The following GNAI3 variants were observed in gnomAD, a reference collection of about 807,000 sequenced individuals.
GNAI3 encodes the protein G protein subunit alpha i3.
A neutral mutation model predicts 41.8 loss-of-function variants in GNAI3; 12 were observed. That is an observed-to-expected ratio of 0.29 (90% CI 0.18 to 0.47). The LOEUF (loss-of-function observed/expected upper bound fraction) is 0.47, where lower values mean the gene tolerates loss of function less well. Among genes scored for constraint, GNAI3 ranks in the 20% least tolerant of loss-of-function variants. The probability of loss-of-function intolerance (pLI) is 1.00; values close to 1 mark genes in which losing one functional copy is unlikely to be tolerated. For missense variants in GNAI3, 360 were observed against 429.6 expected, an observed-to-expected ratio of 0.84 and a Z score of 1.43; for synonymous variants, 132 against 146.5, an observed-to-expected ratio of 0.90 and a Z score of 0.71.
intron 7 of GNAI3, among the ~76,000 whole-genome samples, chr1:109,588,890 A>C (rs1649101683): frequency 1.3e-5 from 2 of 151,788 alleles, no homozygotes; most frequent in South Asian, 4.1e-4. Flanking sequence ...AGACTCCATC[A>C]ATCAATCAAT....
At chr1:109,586,457 T>C in intron 6 of GNAI3, 112 bp downstream of exon 6, 1 of 1,081,682 alleles carries the variant, frequency 9.2e-7, no homozygotes, top group Non-Finnish European at 1.3e-6. Flanking sequence ...ACTTAGTATC[T>C]TTAATTTTTT....
chr1:109,548,619 G>A lies in GNAI3; in HGVS notation c.-102G>A, dbSNP rs2101084556. ...CTTCTGGGCGCTAAGGGAGCTGACG[G>A]AGAGGGCCACCGCCCAGCAATAGAC... is the stretch of plus-strand genomic sequence containing the variant. On this transcript the variant is annotated 5_prime_UTR_variant, in exon 1 of 9. Transcript: ENST00000369851. The A allele has an allele frequency of 2.7e-6, 2 of 743,206 alleles. No homozygotes were observed. Among genetic ancestry groups the A allele is most frequent in the African/African-American group, 3.5e-5 (2 of 57,434 alleles). 46.0% of individuals were successfully genotyped at this position (743,206 alleles called of 1,614,324 possible). A position where few individuals can be genotyped will look rare whatever the true frequency, so the allele number is the denominator to read the frequency against.
rs1009272208 is a variant in GNAI3 at position 109,576,522 on chromosome 1, T to C, written c.303+2485T>C. Among the ~76,000 whole-genome samples, 12 of 151,490 alleles carry C rather than the reference T, an allele frequency of 7.9e-5. 1 individual carries two copies. Among genetic ancestry groups the C allele is most frequent in the Admixed American group, 3.3e-4 (5 of 15,236 alleles). On this transcript the variant is annotated intron_variant, in intron 3 of 8. Transcript: ENST00000369851. ...CTTCTGTTTTTTTTTTTGTTGTTGT[T>C]TTTTGTTTTTTTTGAGACAGAGTTT...
At chr1:109,560,364 G>A (rs1022031852) in intron 1 of GNAI3, among the ~76,000 whole-genome samples, 10 of 152,076 alleles carry the variant, frequency 6.6e-5, no homozygotes, top group African/African-American at 2.2e-4. Flanking sequence ...TCATAATAAT[G>A]ATAATTATTA....
intron 3 of GNAI3, among the ~76,000 whole-genome samples, chr1:109,574,818 T>G (rs187991393): frequency 3.3e-5 from 5 of 152,230 alleles, no homozygotes; most frequent in Non-Finnish European, 5.9e-5. Context: ...GTCATACTTA[T>G]GTGCCATGGC....
At chr1:109,566,756 T>G (rs927873092) in intron 1 of GNAI3, among the ~76,000 whole-genome samples, 1 of 152,160 alleles carries the variant, frequency 6.6e-6, no homozygotes, top group East Asian at 1.9e-4. Context: ...AGAGATGAGG[T>G]TTCACTATGT....
intron 1 of GNAI3, among the ~76,000 whole-genome samples, chr1:109,568,212 C>G (rs1215645594): frequency 6.6e-6 from 1 of 151,992 alleles, no homozygotes; most frequent in Non-Finnish European, 1.5e-5. Context: ...TGCTCTGGTA[C>G]CTGCTCAGAG....
Position 109,549,975 on chromosome 1 carries a change from G to A in GNAI3, c.118+1137G>A, listed in dbSNP as rs115569022. Among the ~76,000 whole-genome samples the A allele has an allele frequency of 9.4e-3, 1,432 of 152,236 alleles. 23 individuals are homozygous for A. Among genetic ancestry groups the A allele is most frequent in the African/African-American group, 0.033 (1,364 of 41,538 alleles). ...TTATTAGTGAAGATTTTCTAGGGTA[G>A]TATTTCCATTATTTTCCAATATTTT... On this transcript the variant is annotated intron_variant, in intron 1 of 8. Coordinates refer to ENST00000369851, the MANE Select transcript of GNAI3 (RefSeq NM_006496.4).
chr1:109,572,949 G>A (rs530980943), intron 1 of GNAI3, among the ~76,000 whole-genome samples: 1 of 152,168 alleles, frequency 6.6e-6, no homozygotes, highest in Non-Finnish European at 1.5e-5. Flanking sequence ...AGATAGACTG[G>A]TAGATGTCGT....
In GNAI3 at chr1:109,597,570, C is replaced by T. The variant is rs1004646962; in HGVS notation, c.*5248C>T. On this transcript the variant is annotated 3_prime_UTR_variant, in exon 9 of 9. Transcript: ENST00000369851. ...TCTATTTTTTGCCAATAAGAAGTAC[C>T]ATTTGTACATGACTTAAAGTGCCTT... The T allele has an allele frequency of 1.3e-5, 2 of 151,544 alleles. No individual in the cohort carries two copies. Among genetic ancestry groups the T allele is most frequent in the African/African-American group, 4.9e-5 (2 of 41,208 alleles). 9.4% of individuals were successfully genotyped at this position (151,544 alleles called of 1,614,324 possible). A position where few individuals can be genotyped will look rare whatever the true frequency, so the allele number is the denominator to read the frequency against.
At chr1:109,566,953 C>T (rs909461408) in intron 1 of GNAI3, among the ~76,000 whole-genome samples, 4 of 152,126 alleles carry the variant, frequency 2.6e-5, no homozygotes, top group African/African-American at 4.8e-5. Flanking sequence ...AGTAGGTACT[C>T]CTATTGGAAA....
intron 5 of GNAI3, among the ~76,000 whole-genome samples, chr1:109,584,043 A>T (rs1648963158): frequency 6.6e-6 from 1 of 152,056 alleles, no homozygotes; most frequent in Non-Finnish European, 1.5e-5. Flanking sequence ...TGTGTTCTTT[A>T]GTTATGGCAT....
At position 109,592,215 on chromosome 1, in the gene GNAI3, G is replaced by A. The variant is rs1474506640; in HGVS notation, c.1047G>A (p.Lys349=). The A allele has an allele frequency of 6.2e-7, 1 of 1,610,372 alleles. No individual in the cohort carries two copies. Among genetic ancestry groups the A allele is most frequent in the Admixed American group, 1.7e-5 (1 of 59,964 alleles). The change falls in exon 8 of 9, where the codon AAG becomes AAA. Residue 349 remains lysine, a synonymous_variant. Coordinates refer to ENST00000369851, the MANE Select transcript of GNAI3 (RefSeq NM_006496.4). ...ATGTCATCATTAAAAACAACTTAAA[G>A]GAATGTGGACTTTATTGAGAAGCAT... ...VTDVIIKNNL[K]ECGLY
At chr1:109,556,345 C>T (rs891175636) in intron 1 of GNAI3, among the ~76,000 whole-genome samples, 1 of 152,106 alleles carries the variant, frequency 6.6e-6, no homozygotes, top group African/African-American at 2.4e-5. Context: ...CTCTAACTTC[C>T]ATTCTTAAAA....
chr1:109,584,611 C>A (rs977908817), intron 5 of GNAI3, among the ~76,000 whole-genome samples: 2 of 152,324 alleles, frequency 1.3e-5, no homozygotes, highest in East Asian at 3.9e-4. Context: ...TCCTTTTCCT[C>A]TTCTCTCTAG....
chr1:109,580,433 C>T (rs1357471791), intron 4 of GNAI3, among the ~76,000 whole-genome samples: 1 of 152,096 alleles, frequency 6.6e-6, no homozygotes, highest in Non-Finnish European at 1.5e-5. Flanking sequence ...CTACTTTTCA[C>T]GTCATGATTC....
At chr1:109,550,011 A>G (rs1282864447) in intron 1 of GNAI3, among the ~76,000 whole-genome samples, 1 of 152,152 alleles carries the variant, frequency 6.6e-6, no homozygotes, top group African/African-American at 2.4e-5. Flanking sequence ...CTAGGGTAGT[A>G]TTTCCATTAG....
At position 109,595,466 on chromosome 1, in the gene GNAI3, G is replaced by A. The variant is rs932730913; in HGVS notation, c.*3144G>A. 6.6e-6 allele frequency: 1 copy of A among 151,588 alleles called. No individual in the cohort carries two copies. The highest frequency in any genetic ancestry group is 2.1e-4 in the South Asian group (1 of 4,796). The allele number at this position is 151,588 out of a possible 1,614,324, so 9.4% of individuals were successfully genotyped here. On this transcript the variant is annotated 3_prime_UTR_variant, in exon 9 of 9. Transcript: ENST00000369851. ...ACATTCTTACAATGTAAGACTAGAT[G>A]GACCAAAATTTTAAAAAAAACTTCT...
In GNAI3 at chr1:109,595,457, A is replaced by G. The variant is rs2101115536; in HGVS notation, c.*3135A>G. 1 of 152,290 alleles carries G rather than the reference A, an allele frequency of 6.6e-6. No individual in the cohort carries two copies. The highest frequency in any genetic ancestry group is 6.5e-5 in the Admixed American group (1 of 15,304). 9.4% of individuals were successfully genotyped at this position (152,290 alleles called of 1,614,324 possible). A position where few individuals can be genotyped will look rare whatever the true frequency, so the allele number is the denominator to read the frequency against. ...CAAGGTACTACATTCTTACAATGTA[A>G]GACTAGATGGACCAAAATTTTAAAA... On this transcript the variant is annotated 3_prime_UTR_variant, in exon 9 of 9. Transcript: ENST00000369851.
Sources: allele counts gnomAD v4.1 joint callset (sites outside exome capture counted in the v4.1 genomes callset), GRCh38; gene constraint gnomAD v4.1.1; transcripts MANE v1.5; gene names NCBI Gene and HGNC (gene_info 2026-07-23, HGNC 2026-07-21).